Variants in KSR1 observed in about 807,000 individuals in gnomAD.
The protein encoded by KSR1 is kinase suppressor of ras 1.
Under a neutral mutation model 92.9 loss-of-function variants are expected in KSR1, and 35 were observed. The observed-to-expected ratio is 0.38, with a 90% CI of 0.29 to 0.50. The LOEUF (loss-of-function observed/expected upper bound fraction) is 0.50. Among genes scored for constraint, KSR1 ranks in the 20% least tolerant of loss-of-function variants. KSR1 has a pLI of 0.94. For synonymous variants in KSR1, 467 were observed against 472.6 expected (o/e 0.99, Z 0.15); for missense variants, 972 against 1,158.5 (o/e 0.84, Z 2.34).
intron 6 of KSR1, among the ~76,000 whole-genome samples, chr17:27,589,340 G>A (rs995462166): frequency 2.6e-5 from 4 of 152,010 alleles, no homozygotes; most frequent in South Asian, 2.1e-4. Flanking sequence ...CCTTGTGCTC[G>A]GGGCCTTTTT....
At chr17:27,601,889 A>G in intron 11 of KSR1, 1 of 1,607,332 alleles carries the variant, frequency 6.2e-7, no homozygotes, top group Non-Finnish European at 8.5e-7. Context: ...GCCTTACCAC[A>G]CAGTGCCATC....
At chr17:27,482,115 T>C (rs866117027) in intron 1 of KSR1, among the ~76,000 whole-genome samples, 2 of 152,218 alleles carry the variant, frequency 1.3e-5, no homozygotes, top group Middle Eastern at 6.8e-3. Flanking sequence ...GAAGAACTAT[T>C]ATGATGTGGG....
At chr17:27,468,227 T>G (rs2019797851) in intron 1 of KSR1, among the ~76,000 whole-genome samples, 1 of 151,906 alleles carries the variant, frequency 6.6e-6, no homozygotes, top group Admixed American at 6.6e-5. Context: ...AATAACCAGC[T>G]GTGGCCAATT....
At chr17:27,580,172 T>C (rs576705729) in intron 3 of KSR1, among the ~76,000 whole-genome samples, 2 of 152,274 alleles carry the variant, frequency 1.3e-5, no homozygotes, top group South Asian at 2.1e-4. Flanking sequence ...GGTGGCAAGC[T>C]TGCTCCCTTT....
intron 1 of KSR1, among the ~76,000 whole-genome samples, chr17:27,524,049 G>T (rs947920979): frequency 6.6e-6 from 1 of 152,206 alleles, no homozygotes; most frequent in African/African-American, 2.4e-5. Flanking sequence ...GGCCCATGCA[G>T]GCTGGCCATC....
chr17:27,590,047 G>A (rs376508900), intron 6 of KSR1, among the ~76,000 whole-genome samples: 2 of 152,214 alleles, frequency 1.3e-5, no homozygotes, highest in East Asian at 3.9e-4. Flanking sequence ...ATGCACAAGT[G>A]TGTGTGTGTA....
intron 1 of KSR1, among the ~76,000 whole-genome samples, chr17:27,484,031 A>G (rs112774907): frequency 0.037 from 5,648 of 152,148 alleles, 333 homozygotes; most frequent in African/African-American, 0.13. Flanking sequence ...GGAGCTGGGG[A>G]TGTGTCTCTC....
intron 7 of KSR1, 146 bp from the exon 8 acceptor site, chr17:27,592,215 A>T: frequency 1.5e-6 from 1 of 679,298 alleles, no homozygotes; most frequent in Admixed American, 2.5e-5. Flanking sequence ...TATTAATATC[A>T]TGATGTTCTC....
rs1240140328 is a variant in KSR1 at position 27,473,270 on chromosome 17, AG to A, written c.231+16399del. On this transcript the variant is annotated intron_variant, in intron 1 of 20. Transcript: ENST00000644974. ...ATTTGCTTGATCTTGGGTCTTGTTCAGGGCAGAAAGAGATAATACAAGGCTT... is the reference window on the plus strand; with the variant it reads ...ATTTGCTTGATCTTGGGTCTTGTTCAGGCAGAAAGAGATAATACAAGGCTT... Among the ~76,000 whole-genome samples the A allele has an allele frequency of 3.3e-5, 5 of 152,242 alleles. No homozygotes were observed. In the East Asian group the frequency reaches 9.6e-4, roughly 29 times the overall value.
At position 27,617,424 on chromosome 17, in the gene KSR1, G is replaced by T; in HGVS notation, c.2623G>T (p.Ala875Ser). 6.2e-7 allele frequency: 1 copy of T among 1,605,978 alleles called. No individual in the cohort carries two copies. ...CCACCCTGGACACTTCTGGAAGTCA[G>T]CTGAGTAAGTGCCTCTTCCATGAGC... ...LSHPGHFWKS[A>S]DRWRSRYYGK... Residue 875 changes from alanine to serine, a missense_variant, in exon 19 of 21, where the codon GCT becomes TCT. Physicochemically the swap from Ala to Ser is moderately conservative, Grantham distance 99. Coordinates refer to ENST00000644974, the MANE Select transcript of KSR1 (RefSeq NM_001394583.1).
chr17:27,461,213 T>G (rs2019419052), intron 1 of KSR1, among the ~76,000 whole-genome samples: 1 of 152,160 alleles, frequency 6.6e-6, no homozygotes, highest in Admixed American at 6.5e-5. Context: ...TCTGAGTAGC[T>G]GGGATTACAG....
chr17:27,509,568 C>T (rs566701583), intron 1 of KSR1, among the ~76,000 whole-genome samples: 5 of 151,746 alleles, frequency 3.3e-5, no homozygotes, highest in South Asian at 2.1e-4. Flanking sequence ...GGATTACAGG[C>T]GTGAGCCACC....
At position 27,533,596 on chromosome 17, in the gene KSR1, A is replaced by G. The variant is rs1185989350; in HGVS notation, c.232-16972A>G. Among the ~76,000 whole-genome samples, 3 of 152,160 alleles carry G rather than the reference A, an allele frequency of 2.0e-5. No homozygotes were observed. The East Asian group carries it at 5.8e-4, about 29-fold the overall frequency. On this transcript the variant is annotated intron_variant, in intron 1 of 20. Coordinates refer to ENST00000644974, the MANE Select transcript of KSR1 (RefSeq NM_001394583.1). ...ACAGGGTTTCACCATGTTGGCCAGA[A>G]TGGTCTCGATCTCTTGACCTTGTGG... is the stretch of plus-strand genomic sequence containing the variant.
intron 4 of KSR1, among the ~76,000 whole-genome samples, chr17:27,584,503 G>A (rs2072896008): frequency 6.6e-6 from 1 of 152,176 alleles, no homozygotes; most frequent in South Asian, 2.1e-4. Flanking sequence ...ATGGCCACAC[G>A]AACATGGGTC....
chr17:27,554,666 T>C (rs1181533546), intron 2 of KSR1, among the ~76,000 whole-genome samples: 10 of 152,200 alleles, frequency 6.6e-5, no homozygotes. Flanking sequence ...GTGAGTTGTA[T>C]AATTATTTCA....
intron 2 of KSR1, among the ~76,000 whole-genome samples, chr17:27,557,748 C>T (rs1325917930): frequency 6.6e-6 from 1 of 152,102 alleles, no homozygotes; most frequent in Non-Finnish European, 1.5e-5. Context: ...TGAGGTGGTT[C>T]GGAGAGACCA....
At chr17:27,562,575 C>T (rs2071877381) in intron 2 of KSR1, among the ~76,000 whole-genome samples, 1 of 152,194 alleles carries the variant, frequency 6.6e-6, no homozygotes, top group African/African-American at 2.4e-5. Flanking sequence ...CTACCTGGCT[C>T]CTGAGTGGTC....
At chr17:27,567,677 C>T (rs1474011292) in intron 2 of KSR1, among the ~76,000 whole-genome samples, 1 of 152,240 alleles carries the variant, frequency 6.6e-6, no homozygotes, top group Non-Finnish European at 1.5e-5. Context: ...GACCTTGGCT[C>T]CCTTCTTGGA....
rs1337191592 is a variant in KSR1 at position 27,621,806 on chromosome 17, C to T, written c.2708+533C>T. 6.6e-6 allele frequency: 6 copies of T among 911,536 alleles called. No homozygotes were observed. The East Asian group carries it at 1.5e-4, about 23-fold the overall frequency. The allele number at this position is 911,536 out of a possible 1,614,324, so 56.5% of individuals were successfully genotyped here. ...GATGGAGTCCAGGATGGCCCTTTCT[C>T]TCTGGAAGAGAAAGGGAGTCCCCTG... is the stretch of plus-strand genomic sequence containing the variant. On this transcript the variant is annotated intron_variant, in intron 20 of 20. Transcript: ENST00000644974.
Sources: gnomAD v4.1 joint callset for allele counts (sites outside exome capture counted in the v4.1 genomes callset) on GRCh38, gnomAD v4.1.1 for gene constraint, MANE v1.5 for transcripts, NCBI Gene and HGNC (gene_info 2026-07-23, HGNC 2026-07-21) for gene names.